AOPEP: variants seen among roughly 807,000 people sequenced by gnomAD.
AOPEP encodes aminopeptidase O (putative).
In AOPEP, 77 loss-of-function variants were observed where a neutral mutation model predicts 98.1. The ratio of observed to expected loss-of-function variants is 0.78; its 90% CI spans 0.65 to 0.95. The LOEUF is 0.95. AOPEP is among the 40% of genes least tolerant of loss of function. The pLI is 0.00. For missense variants in AOPEP, 1,024 were observed against 1,024.7 expected (o/e 1.00, Z 0.01); for synonymous variants, 346 against 365.3 (o/e 0.95, Z 0.60).
chr9:95,144,421 T>C, the AOPEP span, among the ~76,000 whole-genome samples: 66 of 152,268 alleles, frequency 4.3e-4, no homozygotes, highest in Middle Eastern at 6.8e-3. Context: ...CAAGCAAAAT[T>C]ACAAGCAAGG....
intron 1 of AOPEP, among the ~76,000 whole-genome samples, chr9:94,745,362 G>A (rs943627298): frequency 4.8e-4 from 73 of 150,902 alleles, no homozygotes; most frequent in African/African-American, 1.6e-3. Flanking sequence ...TGCAAGCTCC[G>A]CCTCCTGGGT....
At chr9:94,806,119 A>T (rs1217800959) in intron 5 of AOPEP, among the ~76,000 whole-genome samples, 1 of 152,176 alleles carries the variant, frequency 6.6e-6, no homozygotes, top group Middle Eastern at 3.2e-3. Context: ...TCAAGGCAAG[A>T]TGCAGCCATA....
At chr9:94,839,235 A>G (rs2042001652) in intron 5 of AOPEP, among the ~76,000 whole-genome samples, 1 of 151,058 alleles carries the variant, frequency 6.6e-6, no homozygotes. Flanking sequence ...ACAGGCGCCC[A>G]CCACCACACC....
chr9:94,998,238 C>G (rs1162200290), intron 11 of AOPEP, among the ~76,000 whole-genome samples: 8 of 151,404 alleles, frequency 5.3e-5, no homozygotes, highest in Non-Finnish European at 1.2e-4. Flanking sequence ...AGTACTCACG[C>G]TGGAGTAGAA....
chr9:95,118,737 C>A, the AOPEP span, among the ~76,000 whole-genome samples: 3 of 152,260 alleles, frequency 2.0e-5, no homozygotes, highest in Middle Eastern at 3.4e-3. Context: ...TTATTGTGTG[C>A]GAGTAGATCA....
the AOPEP span, among the ~76,000 whole-genome samples, chr9:95,102,272 C>T: frequency 1.3e-5 from 2 of 152,194 alleles, no homozygotes; most frequent in African/African-American, 4.8e-5. Flanking sequence ...TTGGAAAATA[C>T]CACCTGTTTT....
At chr9:94,790,010 A>G (rs1423547629) in intron 3 of AOPEP, among the ~76,000 whole-genome samples, 1 of 151,104 alleles carries the variant, frequency 6.6e-6, no homozygotes, top group African/African-American at 2.4e-5. Context: ...AGTAGCTGGG[A>G]CTACAGGCGC....
intron 5 of AOPEP, among the ~76,000 whole-genome samples, chr9:94,889,348 T>C (rs1411110190): frequency 1.3e-5 from 2 of 152,174 alleles, no homozygotes; most frequent in Non-Finnish European, 2.9e-5. Flanking sequence ...GTTTGTTCCT[T>C]TTTACTGCTG....
At chr9:94,933,596 A>G in intron 7 of AOPEP, 1 of 985,408 alleles carries the variant, frequency 1.0e-6, no homozygotes, top group Non-Finnish European at 1.2e-6. Flanking sequence ...TTGATCACAA[A>G]AACATCCCTT....
At chr9:95,070,779 TG>T (rs1368574772) in intron 14 of AOPEP, among the ~76,000 whole-genome samples, 1 of 152,114 alleles carries the variant, frequency 6.6e-6, no homozygotes, top group African/African-American at 2.4e-5. Flanking sequence ...GAGTGGCCGG[TG>T]GGGGCACACT....
intron 3 of AOPEP, among the ~76,000 whole-genome samples, chr9:94,787,790 G>A (rs917884468): frequency 6.6e-6 from 1 of 152,024 alleles, no homozygotes; most frequent in Non-Finnish European, 1.5e-5. Flanking sequence ...TATTATACCC[G>A]TTTTCCCAAG....
At chr9:95,031,287 G>C (rs2064276274) in intron 13 of AOPEP, among the ~76,000 whole-genome samples, 1 of 152,170 alleles carries the variant, frequency 6.6e-6, no homozygotes, top group Non-Finnish European at 1.5e-5. Flanking sequence ...CAGTGCGTCG[G>C]TCTGTCTTTG....
At chr9:95,030,540 A>G (rs2064205334) in intron 13 of AOPEP, among the ~76,000 whole-genome samples, 1 of 152,232 alleles carries the variant, frequency 6.6e-6, no homozygotes, top group Non-Finnish European at 1.5e-5. Context: ...GTAAGTGCAG[A>G]GCAGCGTCTG....
intron 3 of AOPEP, among the ~76,000 whole-genome samples, chr9:94,780,437 C>A (rs1177157186): frequency 6.6e-6 from 1 of 152,092 alleles, no homozygotes; most frequent in Non-Finnish European, 1.5e-5. Flanking sequence ...ACACCACTTA[C>A]ACCTTATATG....
the AOPEP span, among the ~76,000 whole-genome samples, chr9:95,105,255 T>C: frequency 2.0e-5 from 3 of 152,166 alleles, no homozygotes; most frequent in Non-Finnish European, 4.4e-5. Context: ...AGGTGGGTCA[T>C]GTTACGGGGA....
chr9:95,142,550 T>G, the AOPEP span: 1 of 152,242 alleles, frequency 6.6e-6, no homozygotes, highest in Non-Finnish European at 1.5e-5. Context: ...ACGCTAATGG[T>G]TACGGGGTAT....
At chr9:95,065,314 C>T (rs948782369) in intron 14 of AOPEP, 7 of 152,284 alleles carry the variant, frequency 4.6e-5, no homozygotes, top group Non-Finnish European at 8.8e-5. Context: ...GTCCTGTCAT[C>T]GTGGTGTGTG....
chr9:95,064,422 G>C (rs981071071), intron 14 of AOPEP, among the ~76,000 whole-genome samples: 5 of 152,220 alleles, frequency 3.3e-5, no homozygotes, highest in African/African-American at 1.2e-4. Flanking sequence ...CTCCCGAGTA[G>C]CTGGATTACA....
At chr9:95,132,380 A>C in the AOPEP span, among the ~76,000 whole-genome samples, 1 of 152,262 alleles carries the variant, frequency 6.6e-6, no homozygotes, top group Non-Finnish European at 1.5e-5. Flanking sequence ...AACAATGCCA[A>C]GAAGGCTGCA....
Sources: allele counts gnomAD v4.1 joint callset (sites outside exome capture counted in the v4.1 genomes callset), GRCh38; gene constraint gnomAD v4.1.1; transcripts MANE v1.5; gene names NCBI Gene and HGNC (gene_info 2026-07-23, HGNC 2026-07-21).